CSMD1: variants seen among roughly 807,000 people sequenced by gnomAD.
The protein encoded by CSMD1 is CUB and sushi domain-containing protein 1.
A neutral mutation model predicts 417.5 loss-of-function variants in CSMD1; 213 were observed. The observed-to-expected ratio is 0.51, with a 90% CI of 0.46 to 0.57. CSMD1 has a LOEUF of 0.57. Among genes scored for constraint, CSMD1 ranks in the 20% least tolerant of loss-of-function variants. The probability of loss-of-function intolerance (pLI) is 0.00; values close to 1 mark genes in which losing one functional copy is unlikely to be tolerated. For synonymous variants in CSMD1, 2,862 were observed against 1,736.8 expected (o/e 1.65, Z -16.11); for missense variants, 6,923 against 4,529.7 (o/e 1.53, Z -15.17).
intron 3 of CSMD1, among the ~76,000 whole-genome samples, chr8:4,301,953 C>T (rs1182919210): frequency 6.6e-6 from 1 of 152,134 alleles, no homozygotes; most frequent in Non-Finnish European, 1.5e-5. Flanking sequence ...AATGCCTTAT[C>T]CTTCTTAGTG....
chr8:3,900,979 T>C (rs1411574316), intron 5 of CSMD1, among the ~76,000 whole-genome samples: 1 of 152,236 alleles, frequency 6.6e-6, no homozygotes, highest in Non-Finnish European at 1.5e-5. Context: ...TGAAACTTTA[T>C]GATTTTTCAT....
intron 56 of CSMD1, 130 bp downstream of exon 56, chr8:2,974,321 A>C (rs1319710734): frequency 5.9e-6 from 5 of 848,204 alleles, no homozygotes; most frequent in Non-Finnish European, 8.6e-6. Context: ...CTAGAAATGC[A>C]ATACTAATTT....
chr8:4,840,062 G>A (rs1259769251), intron 1 of CSMD1, among the ~76,000 whole-genome samples: 4 of 104,210 alleles, frequency 3.8e-5, no homozygotes, highest in African/African-American at 1.3e-4. Context: ...TTTCCTCGGT[G>A]GACCGCATCC....
At chr8:3,444,061 T>C (rs1815156303) in intron 12 of CSMD1, among the ~76,000 whole-genome samples, 1 of 152,110 alleles carries the variant, frequency 6.6e-6, no homozygotes, top group African/African-American at 2.4e-5. Context: ...ATCTTGTCTC[T>C]TTGTTCTATA....
chr8:3,363,591 G>A (rs907282407), intron 20 of CSMD1, among the ~76,000 whole-genome samples: 3 of 151,952 alleles, frequency 2.0e-5, no homozygotes, highest in South Asian at 2.1e-4. Context: ...GCAGTGGCGC[G>A]ATCTCCGCTC....
At chr8:3,853,653 G>T (rs1221813824) in intron 5 of CSMD1, among the ~76,000 whole-genome samples, 2 of 151,902 alleles carry the variant, frequency 1.3e-5, no homozygotes, top group African/African-American at 2.4e-5. Flanking sequence ...TCCTCCGAAG[G>T]ACCATCTTCC....
At chr8:3,962,989 T>G (rs953669252) in intron 5 of CSMD1, among the ~76,000 whole-genome samples, 1 of 152,106 alleles carries the variant, frequency 6.6e-6, no homozygotes. Context: ...CAGGCTGGAG[T>G]GCGGTGGAGC....
intron 5 of CSMD1, among the ~76,000 whole-genome samples, chr8:3,796,902 A>C (rs1218500547): frequency 6.6e-6 from 1 of 151,778 alleles, no homozygotes; most frequent in African/African-American, 2.4e-5. Flanking sequence ...GGTTCTGCCT[A>C]ACAACTCATT....
At chr8:3,471,272 G>A (rs879436297) in intron 11 of CSMD1, among the ~76,000 whole-genome samples, 2 of 152,176 alleles carry the variant, frequency 1.3e-5, no homozygotes, top group African/African-American at 4.8e-5. Context: ...CCATTTATAC[G>A]TCTTCTTGAA....
intron 3 of CSMD1, among the ~76,000 whole-genome samples, chr8:4,104,950 C>G (rs1233648170): frequency 6.6e-6 from 1 of 151,972 alleles, no homozygotes; most frequent in Non-Finnish European, 1.5e-5. Context: ...CATGCTTGCT[C>G]ACAGCCACTG....
Position 4,932,519 on chromosome 8 carries a change from T to C in CSMD1, c.85+61813A>G, listed in dbSNP as rs375040208. 9.2e-4 allele frequency among the ~76,000 whole-genome samples: 140 copies of C among 152,312 alleles called. 2 individuals are homozygous for C. In the South Asian group the frequency reaches 0.029, roughly 31 times the overall value. ...AATTAAAATGAGATATAAATGAACGTATTCACCTAGAAGCTAATAGAAAAT... is the reference window on the plus strand; with the variant it reads ...AATTAAAATGAGATATAAATGAACGCATTCACCTAGAAGCTAATAGAAAAT... On this transcript the variant is annotated intron_variant, in intron 1 of 69. Transcript: ENST00000635120.
chr8:3,640,168 T>C (rs1797237456), intron 7 of CSMD1, among the ~76,000 whole-genome samples: 1 of 152,324 alleles, frequency 6.6e-6, no homozygotes, highest in Admixed American at 6.5e-5. Context: ...GAAAACTTAA[T>C]GCTTGAAGCT....
At chr8:4,652,619 C>G (rs1585396798) in intron 1 of CSMD1, among the ~76,000 whole-genome samples, 1 of 151,802 alleles carries the variant, frequency 6.6e-6, no homozygotes, top group African/African-American at 2.4e-5. Flanking sequence ...GCCATTGCAC[C>G]ACAGCCTGGA....
intron 5 of CSMD1, among the ~76,000 whole-genome samples, chr8:3,948,608 C>T (rs1291613217): frequency 6.6e-6 from 1 of 152,094 alleles, no homozygotes; most frequent in South Asian, 2.1e-4. Context: ...GTTTTAACAT[C>T]AATTCCACAT....
intron 11 of CSMD1, among the ~76,000 whole-genome samples, chr8:3,486,785 A>G (rs1016478548): frequency 2.0e-5 from 3 of 152,218 alleles, no homozygotes; most frequent in African/African-American, 4.8e-5. Flanking sequence ...GCTTTCCCAG[A>G]TAGCTCCACT....
At chr8:3,557,326 A>G (rs1217526680) in intron 10 of CSMD1, among the ~76,000 whole-genome samples, 4 of 152,218 alleles carry the variant, frequency 2.6e-5, no homozygotes, top group Admixed American at 2.6e-4. Flanking sequence ...ATGGCAGACC[A>G]TCGCTGCCTC....
At chr8:3,492,879 C>A (rs1796190312) in intron 11 of CSMD1, among the ~76,000 whole-genome samples, 1 of 151,970 alleles carries the variant, frequency 6.6e-6, no homozygotes. Context: ...TACAGGAAGT[C>A]TGGAAAGGTG....
intron 26 of CSMD1, among the ~76,000 whole-genome samples, chr8:3,241,067 G>A (rs528841086): frequency 6.1e-5 from 9 of 148,120 alleles, no homozygotes; most frequent in African/African-American, 1.2e-4. Flanking sequence ...GGGTTAAGGT[G>A]AGGGGATACA....
chr8:4,849,158 C>A (rs1207115688), intron 1 of CSMD1, among the ~76,000 whole-genome samples: 1 of 151,882 alleles, frequency 6.6e-6, no homozygotes, highest in East Asian at 1.9e-4. Flanking sequence ...TAGCTTTTAA[C>A]AAAAACGTTT....
Sources: allele counts gnomAD v4.1 joint callset (sites outside exome capture counted in the v4.1 genomes callset), GRCh38; gene constraint gnomAD v4.1.1; transcripts MANE v1.5; gene names NCBI Gene and HGNC (gene_info 2026-07-23, HGNC 2026-07-21).